EPHA6: variants seen among roughly 807,000 people sequenced by gnomAD.
EPHA6 encodes ephrin type-A receptor 6.
EPHA6 carries 50 observed loss-of-function variants against 112.0 expected under a neutral mutation model. The ratio of observed to expected loss-of-function variants is 0.45; its 90% confidence interval spans 0.36 to 0.56. EPHA6 has a LOEUF of 0.56. Among genes scored for constraint, EPHA6 ranks in the 20% least tolerant of loss-of-function variants. The pLI, the probability that EPHA6 is intolerant of heterozygous loss-of-function variation, is 0.00. For synonymous variants in EPHA6, 529 were observed against 490.7 expected (o/e 1.08, Z -1.03); for missense variants, 1,280 against 1,417.4 (o/e 0.90, Z 1.56).
intron 5 of EPHA6, among the ~76,000 whole-genome samples, chr3:97,404,172 C>A (rs1559963231): frequency 6.6e-6 from 1 of 152,040 alleles, no homozygotes; most frequent in Non-Finnish European, 1.5e-5. Flanking sequence ...GAGAGAGATT[C>A]CAAAAAGCCA....
intron 12 of EPHA6, among the ~76,000 whole-genome samples, chr3:97,599,051 G>T (rs1353069433): frequency 7.3e-5 from 11 of 150,082 alleles, no homozygotes; most frequent in East Asian, 3.9e-4. Context: ...TTTTTTGGCT[G>T]CATAAATGTC....
At chr3:97,173,568 T>C (rs1410771850) in intron 3 of EPHA6, among the ~76,000 whole-genome samples, 1 of 151,848 alleles carries the variant, frequency 6.6e-6, no homozygotes, top group Non-Finnish European at 1.5e-5. Context: ...ACTACACTCT[T>C]AATTCTACAA....
intron 3 of EPHA6, among the ~76,000 whole-genome samples, chr3:97,111,396 A>C (rs943453746): frequency 2.6e-5 from 4 of 152,122 alleles, no homozygotes; most frequent in Non-Finnish European, 4.4e-5. Flanking sequence ...AGCTTTTAGC[A>C]TAATAAGCAA....
chr3:97,353,660 A>G (rs529212075), intron 5 of EPHA6, among the ~76,000 whole-genome samples: 1 of 152,286 alleles, frequency 6.6e-6, no homozygotes, highest in East Asian at 1.9e-4. Flanking sequence ...CTTGGCTCCC[A>G]GACAGCATTT....
chr3:97,383,037 A>G (rs181253234), intron 5 of EPHA6, among the ~76,000 whole-genome samples: 1 of 152,146 alleles, frequency 6.6e-6, no homozygotes, highest in Admixed American at 6.5e-5. Flanking sequence ...TGCCACATTA[A>G]TTTTTGAAGT....
At chr3:97,150,822 A>G (rs1420376002) in intron 3 of EPHA6, among the ~76,000 whole-genome samples, 1 of 151,956 alleles carries the variant, frequency 6.6e-6, no homozygotes, top group Non-Finnish European at 1.5e-5. Context: ...TAATCTCTTT[A>G]ATTCTTCATA....
At chr3:97,288,265 T>A (rs983859789) in intron 5 of EPHA6, among the ~76,000 whole-genome samples, 2 of 152,114 alleles carry the variant, frequency 1.3e-5, no homozygotes, top group Non-Finnish European at 2.9e-5. Context: ...TAGTCCCATG[T>A]CCTTTGTTGC....
intron 11 of EPHA6, among the ~76,000 whole-genome samples, chr3:97,569,347 A>G (rs2093307430): frequency 6.6e-6 from 1 of 152,238 alleles, no homozygotes; most frequent in Admixed American, 6.5e-5. Flanking sequence ...TCAAATGTTA[A>G]AAATAAATAG....
chr3:97,062,474 C>G (rs1412877423), intron 3 of EPHA6, among the ~76,000 whole-genome samples: 1 of 152,090 alleles, frequency 6.6e-6, no homozygotes, highest in East Asian at 1.9e-4. Context: ...GGCACTTAAA[C>G]AAATTTACAA....
At chr3:97,191,251 G>A (rs2077298221) in intron 3 of EPHA6, among the ~76,000 whole-genome samples, 1 of 151,920 alleles carries the variant, frequency 6.6e-6, no homozygotes, top group East Asian at 1.9e-4. Context: ...GGCATATAAT[G>A]CCTAATAATT....
rs1457452544 is a variant in EPHA6, at chr3:97,368,155, A to G, written c.1607-36995A>G. On this transcript the variant is annotated intron_variant, in intron 5 of 17. Coordinates refer to ENST00000389672, the MANE Select transcript of EPHA6 (RefSeq NM_001080448.3). ...ATAATATTATAAAGAATTGAATGCC[A>G]GAAACTATCTTTTGTTCTGAGACAA... is the stretch of plus-strand genomic sequence containing the variant. Among the ~76,000 whole-genome samples, 5 of 152,332 alleles carry G rather than the reference A, an allele frequency of 3.3e-5. No homozygotes were observed. The South Asian group carries it at 1.0e-3, about 32-fold the overall frequency.
chr3:97,290,489 G>A (rs9874551), intron 5 of EPHA6, among the ~76,000 whole-genome samples: 4,089 of 152,130 alleles, frequency 0.027, 190 homozygotes, highest in African/African-American at 0.092. Flanking sequence ...CCAGAATTTC[G>A]TTAGTTTTCT....
intron 3 of EPHA6, among the ~76,000 whole-genome samples, chr3:97,155,794 A>G (rs1238094984): frequency 6.6e-6 from 1 of 152,130 alleles, no homozygotes; most frequent in East Asian, 1.9e-4. Context: ...GTGGGTTCCT[A>G]CATCTCAGAG....
intron 11 of EPHA6, among the ~76,000 whole-genome samples, chr3:97,553,027 T>G (rs2093050587): frequency 6.6e-6 from 1 of 152,118 alleles, no homozygotes; most frequent in African/African-American, 2.4e-5. Flanking sequence ...TGCAACTACC[T>G]CATAATTGCT....
chr3:97,651,003 G>C (rs937112082), intron 14 of EPHA6, among the ~76,000 whole-genome samples: 1 of 151,856 alleles, frequency 6.6e-6, no homozygotes, highest in Admixed American at 6.6e-5. Context: ...ATTTTGTTTC[G>C]ATTTTGTCCT....
chr3:97,117,377 T>C (rs1396478758), intron 3 of EPHA6, among the ~76,000 whole-genome samples: 1 of 151,814 alleles, frequency 6.6e-6, no homozygotes, highest in African/African-American at 2.4e-5. Flanking sequence ...GTTTTTGAGG[T>C]CTTAGCTATA....
At chr3:97,566,564 G>C (rs749580659) in intron 11 of EPHA6, among the ~76,000 whole-genome samples, 3 of 152,136 alleles carry the variant, frequency 2.0e-5, no homozygotes, top group Non-Finnish European at 2.9e-5. Flanking sequence ...TTATTATCCA[G>C]GTTTATTTAC....
At chr3:97,735,665 G>C (rs755255001) in intron 15 of EPHA6, among the ~76,000 whole-genome samples, 12 of 151,886 alleles carry the variant, frequency 7.9e-5, no homozygotes, top group Admixed American at 5.2e-4. Context: ...ATTTCTTAAG[G>C]TTGTAGGGAA....
intron 5 of EPHA6, among the ~76,000 whole-genome samples, chr3:97,278,286 A>G (rs896312014): frequency 2.0e-5 from 3 of 152,226 alleles, no homozygotes; most frequent in African/African-American, 7.2e-5. Context: ...TGAAAAAAAT[A>G]ACACTACTTT....
Sources: gnomAD v4.1 joint callset for allele counts (sites outside exome capture counted in the v4.1 genomes callset) on GRCh38, gnomAD v4.1.1 for gene constraint, MANE v1.5 for transcripts, NCBI Gene and HGNC (gene_info 2026-07-23, HGNC 2026-07-21) for gene names.